MACIR: variants seen among roughly 807,000 people sequenced by gnomAD.
MACIR encodes macrophage immunometabolism regulator, also known as UNC119-binding protein C5orf30.
MACIR carries 4 observed loss-of-function variants against 14.3 expected under a neutral mutation model. The ratio of observed to expected loss-of-function variants is 0.28; its 90% confidence interval spans 0.14 to 0.64. The LOEUF is 0.64. Among genes scored for constraint, MACIR ranks in the 30% least tolerant of loss-of-function variants. The pLI is 0.83. For missense variants in MACIR, 228 were observed against 257.6 expected (o/e 0.89, Z 0.79); for synonymous variants, 101 against 102.4 (o/e 0.99, Z 0.08).
intron 2 of MACIR, 81 bp from the exon 3 acceptor site, chr5:103,275,816 C>G: frequency 8.3e-7 from 1 of 1,198,408 alleles, no homozygotes; most frequent in Non-Finnish European, 1.2e-6. Flanking sequence ...ACTTCATGCT[C>G]CCTGAGCCTT....
intron 2 of MACIR, among the ~76,000 whole-genome samples, chr5:103,271,761 A>G (rs1554237140): frequency 6.6e-6 from 1 of 152,160 alleles, no homozygotes; most frequent in African/African-American, 2.4e-5. Context: ...TTCAATTACA[A>G]GTTGACGTTT....
At chr5:103,258,664 G>A (rs1804543213), upstream of MACIR, 1 of 153,234 alleles carries the variant, frequency 6.5e-6, no homozygotes, top group Non-Finnish European at 1.5e-5. Context: ...CAGCCAGAGG[G>A]AGGAGGCGGG....
At chr5:103,266,146 T>C (rs1304010789) in intron 2 of MACIR, 149 bp downstream of exon 2, 1 of 152,192 alleles carries the variant, frequency 6.6e-6, no homozygotes, top group Admixed American at 6.5e-5. Context: ...ATTGCAAATA[T>C]GTATACTATA....
At chr5:103,259,025 G>T (rs1224599034) in intron 1 of MACIR, 129 bp downstream of exon 1, 2 of 152,386 alleles carry the variant, frequency 1.3e-5, no homozygotes, top group African/African-American at 4.8e-5. Context: ...TAATCGCGGC[G>T]CCGCCCCTTC....
intron 1 of MACIR, among the ~76,000 whole-genome samples, chr5:103,261,705 C>CTTCCTTT (rs1562545911): frequency 2.1e-4 from 13 of 62,816 alleles, no homozygotes; most frequent in South Asian, 6.4e-4. Flanking sequence ...TTTCTTTCTT[C>CTTCCTTT]CTTTCTTTCT....
At chr5:103,272,888 A>C (rs528404641) in intron 2 of MACIR, among the ~76,000 whole-genome samples, 137 of 152,280 alleles carry the variant, frequency 9.0e-4, no homozygotes, top group African/African-American at 3.2e-3. Context: ...AGAATACACT[A>C]TTTGTAGTTT....
At chr5:103,260,980 C>T (rs548357840) in intron 1 of MACIR, among the ~76,000 whole-genome samples, 1 of 152,294 alleles carries the variant, frequency 6.6e-6, no homozygotes, top group East Asian at 1.9e-4. Flanking sequence ...GCATGTTGAC[C>T]TTTAGTTCCA....
At chr5:103,270,746 G>A (rs1554237058) in intron 2 of MACIR, among the ~76,000 whole-genome samples, 1 of 152,116 alleles carries the variant, frequency 6.6e-6, no homozygotes, top group African/African-American at 2.4e-5. Flanking sequence ...AGAGCCTAGT[G>A]AAATAATTTT....
chr5:103,273,998 T>G (rs1805229748), intron 2 of MACIR, among the ~76,000 whole-genome samples: 1 of 152,048 alleles, frequency 6.6e-6, no homozygotes, highest in Admixed American at 6.6e-5. Context: ...TGTGTGCCCT[T>G]TCCTCAATGG....
chr5:103,260,159 C>T (rs899829643), intron 1 of MACIR, among the ~76,000 whole-genome samples: 9 of 150,864 alleles, frequency 6.0e-5, no homozygotes, highest in Non-Finnish European at 1.2e-4. Context: ...TTACAGTGTG[C>T]TTGCCGCTCC....
chr5:103,270,518 T>C (rs1376166858), intron 2 of MACIR, among the ~76,000 whole-genome samples: 1 of 152,210 alleles, frequency 6.6e-6, no homozygotes, highest in Non-Finnish European at 1.5e-5. Context: ...TTATTTGGAC[T>C]GGAGAGCTTT....
In MACIR at chr5:103,277,254, CA is replaced by C. The variant is rs1349329347; in HGVS notation, c.*716del. On this transcript the variant is annotated 3_prime_UTR_variant, in exon 3 of 3. Coordinates refer to ENST00000319933, the MANE Select transcript of MACIR (RefSeq NM_033211.4). ...TTTGGGATACAAAGTATTTATTTTA[CA>C]ATGGGTGGGCGGGGGAAACTTTTCC... 3 of 166,866 alleles carry C rather than the reference CA, an allele frequency of 1.8e-5. No individual in the cohort carries two copies. Among genetic ancestry groups the C allele is most frequent in the Non-Finnish European group, 4.4e-5 (3 of 68,064 alleles). 10.3% of individuals were successfully genotyped at this position (166,866 alleles called of 1,614,324 possible).
intron 2 of MACIR, among the ~76,000 whole-genome samples, 171 bp downstream of exon 2, chr5:103,266,168 T>A (rs1554236731): frequency 6.6e-6 from 1 of 152,148 alleles, no homozygotes; most frequent in Non-Finnish European, 1.5e-5. Flanking sequence ...TTACAAATTT[T>A]TAATGGTGAG....
chr5:103,276,638 G>A lies in MACIR; in HGVS notation c.*98G>A, dbSNP rs1354672288. 9.0e-7 allele frequency: 1 copy of A among 1,107,626 alleles called. No individual in the cohort carries two copies. Among genetic ancestry groups the A allele is most frequent in the East Asian group, 2.4e-5 (1 of 41,430 alleles). 68.6% of individuals were successfully genotyped at this position (1,107,626 alleles called of 1,614,324 possible). On this transcript the variant is annotated 3_prime_UTR_variant, in exon 3 of 3. Transcript: ENST00000319933. ...GTACATGACTCTTCACACTATAGATGGTTATATCAGCTAAGTGTTCCTGGA... is the reference window on the plus strand; with the variant it reads ...GTACATGACTCTTCACACTATAGATAGTTATATCAGCTAAGTGTTCCTGGA...
intron 2 of MACIR, among the ~76,000 whole-genome samples, chr5:103,272,084 G>A (rs981111200): frequency 6.6e-6 from 1 of 152,060 alleles, no homozygotes; most frequent in Non-Finnish European, 1.5e-5. Context: ...GTTTATCTTG[G>A]CAGCAAGCTT....
Position 103,277,334 on chromosome 5 carries a change from T to G in MACIR, c.*794T>G, listed in dbSNP as rs1214240411. 2 of 167,098 alleles carry G rather than the reference T, an allele frequency of 1.2e-5. No homozygotes were observed. Among genetic ancestry groups the G allele is most frequent in the Non-Finnish European group, 2.9e-5 (2 of 68,114 alleles). 10.4% of individuals were successfully genotyped at this position (167,098 alleles called of 1,614,324 possible). On this transcript the variant is annotated 3_prime_UTR_variant, in exon 3 of 3. Transcript: ENST00000319933. ...AGTTGAAAAAACTCTCCTTAGTGCT[T>G]ATTTTCTAACTTAAAATTCACCTGG...
In MACIR at chr5:103,276,391, C is replaced by T; in HGVS notation, c.472C>T (p.Leu158Phe). The T allele has an allele frequency of 6.2e-7, 1 of 1,613,868 alleles. No individual in the cohort carries two copies. The highest frequency in any genetic ancestry group is 8.5e-7 in the Non-Finnish European group (1 of 1,179,972). The change falls in exon 3 of 3, where the codon CTT (leucine) becomes TTT (phenylalanine). Residue 158 changes from leucine (L) to phenylalanine (F), a missense_variant. Physicochemically the swap from Leu to Phe is conservative, Grantham distance 22. Transcript: ENST00000319933. ...ALHGPLPLCLLKGKRAHSKSL... is the reference protein window; with the variant it reads ...ALHGPLPLCLFKGKRAHSKSL... ...CCATGGGCCTCTGCCTCTTTGTCTT[C>T]TTAAAGGTAAGAGGGCTCACTCCAA...
chr5:103,262,692 C>T (rs1256219873), intron 1 of MACIR, among the ~76,000 whole-genome samples: 1 of 152,182 alleles, frequency 6.6e-6, no homozygotes. Context: ...CTCTTGGCCA[C>T]TGCTTGGTTT....
chr5:103,261,825 A>G (rs1456041504), intron 1 of MACIR, among the ~76,000 whole-genome samples: 4 of 152,032 alleles, frequency 2.6e-5, no homozygotes, highest in African/African-American at 9.7e-5. Context: ...CACAGCTTCT[A>G]CTGTACCAAT....
Sources: allele counts gnomAD v4.1 joint callset (sites outside exome capture counted in the v4.1 genomes callset), GRCh38; gene constraint gnomAD v4.1.1; transcripts MANE v1.5; gene names NCBI Gene and HGNC (gene_info 2026-07-23, HGNC 2026-07-21).